Variants in HDAC5 observed in about 807,000 individuals in gnomAD.
HDAC5 encodes antigen NY-CO-9.
HDAC5 carries 25 observed loss-of-function variants against 133.3 expected under a neutral mutation model. The ratio of observed to expected loss-of-function variants is 0.19; its 90% CI spans 0.14 to 0.26. HDAC5 has a LOEUF of 0.26. Ranked by LOEUF, HDAC5 falls within the 10% of genes least tolerant of loss-of-function variation. HDAC5 has a pLI of 1.00. For synonymous variants in HDAC5, 589 were observed against 610.8 expected, an observed-to-expected ratio of 0.96 and a Z score of 0.53; for missense variants, 1,041 against 1,460.5, an observed-to-expected ratio of 0.71 and a Z score of 4.68.
At chr17:44,118,620 C>A (rs1289193572) in intron 1 of HDAC5, among the ~76,000 whole-genome samples, 1 of 152,182 alleles carries the variant, frequency 6.6e-6, no homozygotes, top group East Asian at 1.9e-4. Flanking sequence ...ACAGTTAGTC[C>A]TCAAGCCTCA....
chr17:44,117,658 G>T lies in HDAC5; in HGVS notation c.-143C>A. ...GCCGCCGTGCCTCTAATGCCCATCC[G>T]AGGCCATCCTTCGGGGCGAGGCAGT... On this transcript the variant is annotated 5_prime_UTR_variant, in exon 2 of 27. The change creates a premature stop within an existing upstream ORF in the 5' untranslated region. Transcript: ENST00000682912. This position sits in a 1 kb window ranked among gnomAD's most constrained non-coding sequence, Gnocchi z 4.2. 1 of 883,316 alleles carries T rather than the reference G, an allele frequency of 1.1e-6. No homozygotes were observed. The highest frequency in any genetic ancestry group is 1.8e-6 in the Non-Finnish European group (1 of 543,062). 54.7% of individuals were successfully genotyped at this position (883,316 alleles called of 1,614,324 possible). A position where few individuals can be genotyped will look rare whatever the true frequency, so the allele number is the denominator to read the frequency against.
At chr17:44,097,340 C>T (rs1007586806) in intron 3 of HDAC5, among the ~76,000 whole-genome samples, 1 of 152,248 alleles carries the variant, frequency 6.6e-6, no homozygotes, top group Admixed American at 6.5e-5. Context: ...GTGGTTTTCC[C>T]GCCAGCCATA....
At chr17:44,104,942 G>A (rs553940187) in intron 3 of HDAC5, among the ~76,000 whole-genome samples, 3 of 152,148 alleles carry the variant, frequency 2.0e-5, no homozygotes, top group African/African-American at 7.2e-5. Flanking sequence ...TGTCAGGGAA[G>A]GAAAGGCCTG....
chr17:44,121,675 C>A (rs1353877184), intron 1 of HDAC5, among the ~76,000 whole-genome samples: 3 of 151,780 alleles, frequency 2.0e-5, no homozygotes, highest in African/African-American at 7.3e-5. Context: ...TCTAAACACA[C>A]AATTAAGATG....
At chr17:44,079,657 A>AAAAG (rs1187095614) in intron 23 of HDAC5, among the ~76,000 whole-genome samples, 3 of 151,326 alleles carry the variant, frequency 2.0e-5, no homozygotes, top group East Asian at 1.9e-4. Context: ...AAAAAAAAAA[A>AAAAG]AAAGAAAGAA....
chr17:44,088,017 T>A (rs2050751493), intron 12 of HDAC5, among the ~76,000 whole-genome samples: 1 of 152,058 alleles, frequency 6.6e-6, no homozygotes, highest in Admixed American at 6.5e-5. Context: ...CTAATTTTTG[T>A]TTGTTTTTTT....
chr17:44,092,819 G>T lies in HDAC5; in HGVS notation c.642-13C>A, dbSNP rs553497817. 7.1e-6 allele frequency: 6 copies of T among 848,704 alleles called. No homozygotes were observed. Among genetic ancestry groups the T allele is most frequent in the East Asian group, 2.6e-5 (1 of 38,580 alleles). The allele number at this position is 848,704 out of a possible 1,614,324, so 52.6% of individuals were successfully genotyped here. On this transcript the variant is annotated splice_polypyrimidine_tract_variant and intron_variant, in intron 6 of 26. Transcript: ENST00000682912. Reference sequence around the variant, plus strand: ...ATGGTGGGCTCCCCTGGGGTGGGGGGGGGGTGGGGATGGAAGCAGATCTAG... The same window carrying T: ...ATGGTGGGCTCCCCTGGGGTGGGGGTGGGGTGGGGATGGAAGCAGATCTAG...
intron 2 of HDAC5, among the ~76,000 whole-genome samples, chr17:44,114,774 A>C (rs2052554912): frequency 6.6e-6 from 1 of 152,238 alleles, no homozygotes; most frequent in Non-Finnish European, 1.5e-5. Context: ...TGAGGAGAAC[A>C]TGCAGAAGCA....
intron 16 of HDAC5, 36 bp downstream of exon 16, chr17:44,084,519 G>A (rs1367733442): frequency 6.2e-7 from 1 of 1,610,134 alleles, no homozygotes; most frequent in Non-Finnish European, 8.5e-7. Context: ...CCCTGACACT[G>A]AACATGCCTG....
At position 44,117,624 on chromosome 17, in the gene HDAC5, G is replaced by T; in HGVS notation, c.-109C>A. 7.4e-7 allele frequency: 1 copy of T among 1,354,556 alleles called. No homozygotes were observed. Among genetic ancestry groups the T allele is most frequent in the Non-Finnish European group, 1.0e-6 (1 of 958,170 alleles). 83.9% of individuals were successfully genotyped at this position (1,354,556 alleles called of 1,614,324 possible). On this transcript the variant is annotated 5_prime_UTR_variant, in exon 2 of 27. Transcript: ENST00000682912. The surrounding 1 kb of genome is among the most constrained non-coding windows in gnomAD (Gnocchi z 4.2). ...GATAACAGACAGACGGACGGGACGG[G>T]AGCCCGGGGCCGCCGTGCCTCTAAT...
At chr17:44,100,285 G>T (rs2051509942) in intron 3 of HDAC5, among the ~76,000 whole-genome samples, 1 of 152,048 alleles carries the variant, frequency 6.6e-6, no homozygotes, top group African/African-American at 2.4e-5. Flanking sequence ...TCCAACTCAA[G>T]AATCCCTGTG....
rs1174084287 is a variant in HDAC5, at chr17:44,080,236, A to G, written c.2826-11T>C. 1 of 1,610,034 alleles carries G rather than the reference A, an allele frequency of 6.2e-7. No individual in the cohort carries two copies. Among genetic ancestry groups the G allele is most frequent in the African/African-American group, 1.3e-5 (1 of 74,914 alleles). On this transcript the variant is annotated splice_polypyrimidine_tract_variant and intron_variant, in intron 22 of 26. Coordinates refer to ENST00000682912, the MANE Select transcript of HDAC5 (RefSeq NM_005474.5). ...GGCATCACCACTGTCCTGCAAAGGG[A>G]TGGCTCAAGCTGAGCCCGGCAGATG...
intron 20 of HDAC5, 29 bp downstream of exon 20, chr17:44,082,556 C>G (rs1362636683): frequency 6.4e-7 from 1 of 1,574,470 alleles, no homozygotes; most frequent in Non-Finnish European, 8.7e-7. Flanking sequence ...CTACCCGCCC[C>G]TGCCCAGCCC....
chr17:44,116,291 G>C (rs975254039), intron 2 of HDAC5, among the ~76,000 whole-genome samples: 1 of 152,230 alleles, frequency 6.6e-6, no homozygotes, highest in Non-Finnish European at 1.5e-5. Context: ...TGAGGACCCA[G>C]GCCTCTCCTT....
rs2050203056 is a variant in HDAC5 at position 44,078,243 on chromosome 17, G to A, written c.*133C>T. ...GCCACAGGGCTGGGGGCCTGAGGCA[G>A]CGTAGAGGAGCAGGAGGGGCAAGGC... On this transcript the variant is annotated 3_prime_UTR_variant, in exon 27 of 27. Coordinates refer to ENST00000682912, the MANE Select transcript of HDAC5 (RefSeq NM_005474.5). 1.1e-6 allele frequency: 1 copy of A among 921,460 alleles called. No homozygotes were observed. The highest frequency in any genetic ancestry group is 1.6e-6 in the Non-Finnish European group (1 of 638,444). 57.1% of individuals were successfully genotyped at this position (921,460 alleles called of 1,614,324 possible). A position where few individuals can be genotyped will look rare whatever the true frequency, so the allele number is the denominator to read the frequency against.
chr17:44,087,694 G>T lies in HDAC5; in HGVS notation c.1602C>A (p.Ile534=). The change falls in exon 13 of 27, where the codon ATC becomes ATA. Residue 534 remains isoleucine, a splice_region_variant and synonymous_variant. Coordinates refer to ENST00000682912, the MANE Select transcript of HDAC5 (RefSeq NM_005474.5). ...TGGGCAGCTCCCCTGTCTTGGTGAG[G>T]ATCTGATAACAGAATATGGGGGCAC... is the stretch of plus-strand genomic sequence containing the variant. ...QKQQQLQLGK[I]LTKTGELPRQ... is the part of the protein sequence containing the mutation. 2.5e-6 allele frequency: 4 copies of T among 1,584,940 alleles called. No homozygotes were observed. The highest frequency in any genetic ancestry group is 3.4e-6 in the Non-Finnish European group (4 of 1,164,870).
intron 21 of HDAC5, 69 bp downstream of exon 21, chr17:44,080,694 C>G (rs2050349804): frequency 5.0e-6 from 8 of 1,607,512 alleles, no homozygotes; most frequent in Non-Finnish European, 6.0e-6. Flanking sequence ...CCGTGGCTCC[C>G]CGCCAGGTCC....
At chr17:44,088,072 G>C (rs1223127580) in intron 12 of HDAC5, among the ~76,000 whole-genome samples, 1 of 152,064 alleles carries the variant, frequency 6.6e-6, no homozygotes, top group East Asian at 1.9e-4. Context: ...GCAATGGTGC[G>C]ATCTGGGCTC....
intron 3 of HDAC5, among the ~76,000 whole-genome samples, chr17:44,106,700 C>T (rs576829589): frequency 1.3e-5 from 2 of 151,990 alleles, no homozygotes; most frequent in African/African-American, 4.8e-5. Context: ...AAGCGATTCT[C>T]CTGCCTCAGC....
Sources: gnomAD v4.1 joint callset for allele counts (sites outside exome capture counted in the v4.1 genomes callset) on GRCh38, gnomAD v4.1.1 for gene constraint, Gnocchi (gnomAD v3.1) non-coding constraint, MANE v1.5 for transcripts, NCBI Gene and HGNC (gene_info 2026-07-23, HGNC 2026-07-21) for gene names.